Variants in PSEN2 observed in about 807,000 individuals in gnomAD.
PSEN2 encodes presenilin 2.
PSEN2 carries 32 observed loss-of-function variants against 49.1 expected under a neutral mutation model. That is an observed-to-expected ratio of 0.65 (90% CI 0.49 to 0.88). The LOEUF (loss-of-function observed/expected upper bound fraction) is 0.88, where lower values mean the gene tolerates loss of function less well. Among genes scored for constraint, PSEN2 ranks in the 40% least tolerant of loss-of-function variants. The pLI is 0.00. For synonymous variants in PSEN2, 255 were observed against 244.0 expected, an observed-to-expected ratio of 1.05 and a Z score of -0.42; for missense variants, 522 against 586.9, an observed-to-expected ratio of 0.89 and a Z score of 1.14.
At position 226,874,503 on chromosome 1, in the gene PSEN2, C is replaced by T. The variant is rs1201853060; in HGVS notation, c.-206-862C>T. On this transcript the variant is annotated intron_variant, in intron 2 of 12. Coordinates refer to ENST00000366783, the MANE Select transcript of PSEN2 (RefSeq NM_000447.3). ...TAATATGTTTACGTGGCCATAGTGC[C>T]TGGGGCTGGGCCGGGAATGGAAACT... Among the ~76,000 whole-genome samples, 3 of 151,734 alleles carry T rather than the reference C, an allele frequency of 2.0e-5. No homozygotes were observed. The East Asian group carries it at 5.8e-4, about 29-fold the overall frequency.
chr1:226,899,807 G>A (rs1662254831), downstream of PSEN2, among the ~76,000 whole-genome samples: 1 of 152,050 alleles, frequency 6.6e-6, no homozygotes, highest in Non-Finnish European at 1.5e-5. Flanking sequence ...GCTGGCTGCT[G>A]TGTGCTAGCC....
chr1:226,879,401 C>T (rs943684106), intron 3 of PSEN2, among the ~76,000 whole-genome samples: 1 of 152,154 alleles, frequency 6.6e-6, no homozygotes, highest in Non-Finnish European at 1.5e-5. Context: ...GCAAAGGCTG[C>T]TTTTGTAAAG....
intron 9 of PSEN2, chr1:226,891,010 A>T: frequency 2.0e-6 from 1 of 508,126 alleles, no homozygotes; most frequent in Non-Finnish European, 3.6e-6. Flanking sequence ...CGGGGGATTC[A>T]CCCGTGAACT....
intron 2 of PSEN2, among the ~76,000 whole-genome samples, chr1:226,874,030 C>T (rs1217783910): frequency 6.6e-6 from 1 of 152,184 alleles, no homozygotes; most frequent in African/African-American, 2.4e-5. Flanking sequence ...CCAAACCTAC[C>T]TGGGCAAGTA....
In PSEN2 at chr1:226,881,409, C is replaced by T. The variant is rs78777332; in HGVS notation, c.-20-479C>T. 3.3e-3 allele frequency among the ~76,000 whole-genome samples: 501 copies of T among 152,334 alleles called. 3 individuals are homozygous for T. The highest frequency in any genetic ancestry group is 0.012 in the African/African-American group (481 of 41,582). On this transcript the variant is annotated intron_variant, in intron 3 of 12. Coordinates refer to ENST00000366783, the MANE Select transcript of PSEN2 (RefSeq NM_000447.3). ...CTCTTCTCTAGAAAACATTCGTGAT[C>T]TCTGAGATTTGGTTCCACTTTTGTG...
chr1:226,900,096 G>A (rs147355068), downstream of PSEN2, among the ~76,000 whole-genome samples: 17 of 152,172 alleles, frequency 1.1e-4, no homozygotes, highest in African/African-American at 3.1e-4. Context: ...AAATGGGGTC[G>A]TGAGGGATCA....
intron 2 of PSEN2, among the ~76,000 whole-genome samples, chr1:226,872,469 A>G (rs989058775): frequency 6.6e-6 from 1 of 152,248 alleles, no homozygotes; most frequent in Non-Finnish European, 1.5e-5. Flanking sequence ...ATTTGAACAT[A>G]GCTGGCTACA....
chr1:226,885,279 G>C (rs373191922), intron 5 of PSEN2, among the ~76,000 whole-genome samples: 1 of 152,244 alleles, frequency 6.6e-6, no homozygotes, highest in South Asian at 2.1e-4. Context: ...GCAGCAGGGA[G>C]GTCATCTAGC....
chr1:226,891,214 C>A, intron 9 of PSEN2, 64 bp from the exon 10 acceptor site: 1 of 1,466,202 alleles, frequency 6.8e-7, no homozygotes, highest in East Asian at 2.3e-5. Flanking sequence ...GGCCACCTCC[C>A]CCAGGCCCTG....
intron 7 of PSEN2, among the ~76,000 whole-genome samples, 171 bp downstream of exon 7, chr1:226,888,329 CAG>C (rs1248219549): frequency 2.0e-5 from 3 of 152,130 alleles, no homozygotes; most frequent in Non-Finnish European, 2.9e-5. Flanking sequence ...GGCCTTGACA[CAG>C]GGGAGTGGAA....
intron 3 of PSEN2, 111 bp from the exon 4 acceptor site, chr1:226,881,777 G>T: frequency 8.5e-7 from 1 of 1,178,542 alleles, no homozygotes; most frequent in Non-Finnish European, 1.3e-6. Flanking sequence ...GGAAGCTTTT[G>T]GGGCAGGACT....
chr1:226,889,826 C>T (rs1661618802), intron 8 of PSEN2, among the ~76,000 whole-genome samples: 1 of 152,230 alleles, frequency 6.6e-6, no homozygotes, highest in African/African-American at 2.4e-5. Flanking sequence ...GTGCACAGCT[C>T]CTCCATGCTT....
intron 3 of PSEN2, among the ~76,000 whole-genome samples, chr1:226,879,319 A>G (rs1432262042): frequency 6.6e-6 from 1 of 152,132 alleles, no homozygotes; most frequent in African/African-American, 2.4e-5. Flanking sequence ...GGTTCCCAGA[A>G]CTTCCCTGTG....
chr1:226,874,855 C>G (rs1660535352), intron 2 of PSEN2, among the ~76,000 whole-genome samples: 1 of 152,142 alleles, frequency 6.6e-6, no homozygotes, highest in Non-Finnish European at 1.5e-5. Flanking sequence ...CGATCTGAAC[C>G]CTGTCAGTCT....
chr1:226,883,903 G>A lies in PSEN2; in HGVS notation c.340G>A (p.Glu114Lys). ...ATIKSVRFYT[E>K]KNGQLIYTPF... The stretch of plus-strand genomic sequence containing the variant: ...CATCAAGTCTGTGCGCTTCTACACA[G>A]AGAAGAATGGACAGCTGTGAGTTGG... The change falls in exon 5 of 13, where the codon GAG becomes AAG. Residue 114 changes from glutamate to lysine, a missense_variant. Transcript: ENST00000366783. 2.7e-6 allele frequency: 4 copies of A among 1,471,194 alleles called. No homozygotes were observed. The highest frequency in any genetic ancestry group is 3.7e-6 in the Non-Finnish European group (4 of 1,090,832). The allele number at this position is 1,471,194 out of a possible 1,614,324, so 91.1% of individuals were successfully genotyped here.
intron 9 of PSEN2, chr1:226,890,996 G>A: frequency 2.1e-6 from 1 of 487,406 alleles, no homozygotes; most frequent in Non-Finnish European, 3.7e-6. Flanking sequence ...AGTGTCCCAG[G>A]GCTCGGGGGA....
chr1:226,882,096 A>G (rs760099712), intron 4 of PSEN2, 48 bp downstream of exon 4: 37 of 1,605,426 alleles, frequency 2.3e-5, no homozygotes, highest in Non-Finnish European at 3.1e-5. Flanking sequence ...CCCTGCGGCT[A>G]CTGTACCTTA....
intron 6 of PSEN2, among the ~76,000 whole-genome samples, chr1:226,886,329 G>C (rs1661361636): frequency 6.6e-6 from 1 of 152,134 alleles, no homozygotes; most frequent in Non-Finnish European, 1.5e-5. Flanking sequence ...TTTATTTTTA[G>C]TTTTCCTTTT....
In PSEN2 at chr1:226,882,063, C is replaced by T. The variant is rs756117413; in HGVS notation, c.141+15C>T. 8.7e-6 allele frequency: 14 copies of T among 1,613,458 alleles called. No homozygotes were observed. The highest frequency in any genetic ancestry group is 6.7e-5 in the Admixed American group (4 of 60,002). ...CTGCCCAGTGGGTAGGTCCCACCAG[C>T]AGCTGGGGGCCTTCAAACAGGTCCC... On this transcript the variant is annotated intron_variant, in intron 4 of 12. Transcript: ENST00000366783.
Sources: gnomAD v4.1 joint callset for allele counts (sites outside exome capture counted in the v4.1 genomes callset) on GRCh38, gnomAD v4.1.1 for gene constraint, MANE v1.5 for transcripts, NCBI Gene and HGNC (gene_info 2026-07-23, HGNC 2026-07-21) for gene names.